Variants in ARL15 observed in about 807,000 individuals in gnomAD.
The protein encoded by ARL15 is ARF like GTPase 15.
Under a neutral mutation model 25.2 loss-of-function variants are expected in ARL15, and 19 were observed. The observed-to-expected ratio is 0.75, with a 90% CI of 0.53 to 1.10. The LOEUF (loss-of-function observed/expected upper bound fraction) is 1.10. ARL15 is among the 50% of genes least tolerant of loss of function. ARL15 has a pLI of 0.00. For synonymous variants in ARL15, 94 were observed against 86.8 expected (o/e 1.08, Z -0.46); for missense variants, 220 against 246.0 (o/e 0.89, Z 0.71).
intron 4 of ARL15, among the ~76,000 whole-genome samples, chr5:53,931,291 A>G (rs1396119527): frequency 5.3e-5 from 8 of 152,220 alleles, no homozygotes; most frequent in Non-Finnish European, 2.9e-5. Flanking sequence ...ATTCACACCA[A>G]TTATTGTCTA....
At chr5:54,154,947 C>G (rs1754183207) in intron 2 of ARL15, among the ~76,000 whole-genome samples, 1 of 152,044 alleles carries the variant, frequency 6.6e-6, no homozygotes, top group South Asian at 2.1e-4. Flanking sequence ...ATGGTGAAAC[C>G]CCGTTTCTAC....
At chr5:54,089,224 C>T (rs1182414515) in intron 4 of ARL15, among the ~76,000 whole-genome samples, 1 of 152,162 alleles carries the variant, frequency 6.6e-6, no homozygotes, top group Non-Finnish European at 1.5e-5. Context: ...AAAATAATTA[C>T]AATCTACCCT....
chr5:54,156,394 G>A (rs1484007301), intron 2 of ARL15, among the ~76,000 whole-genome samples: 2 of 152,174 alleles, frequency 1.3e-5, no homozygotes. Flanking sequence ...ATAAGGATAA[G>A]ATAATGTATG....
chr5:54,155,680 T>TCACACACACACA (rs58416810), intron 2 of ARL15, among the ~76,000 whole-genome samples: 83 of 150,050 alleles, frequency 5.5e-4, no homozygotes, highest in Non-Finnish European at 7.0e-4. Context: ...ATATACCCAT[T>TCACACACACACA]CACACACACA....
intron 1 of ARL15, among the ~76,000 whole-genome samples, chr5:54,295,439 C>G (rs1335028589): frequency 6.6e-6 from 1 of 152,132 alleles, no homozygotes; most frequent in Admixed American, 6.6e-5. Flanking sequence ...GGCTGCACTC[C>G]AGGCTCAAAA....
chr5:54,289,931 A>G (rs1227822720), intron 1 of ARL15, among the ~76,000 whole-genome samples: 1 of 152,182 alleles, frequency 6.6e-6, no homozygotes, highest in Non-Finnish European at 1.5e-5. Flanking sequence ...ATGGGGCCCC[A>G]CACACCAGGA....
chr5:53,933,377 T>C lies in ARL15; in HGVS notation c.463-46664A>G, dbSNP rs533841901. Among the ~76,000 whole-genome samples, 6 of 152,212 alleles carry C rather than the reference T, an allele frequency of 3.9e-5. No individual in the cohort carries two copies. In the South Asian group the frequency reaches 1.2e-3, roughly 32 times the overall value. On this transcript the variant is annotated intron_variant, in intron 4 of 4. Coordinates refer to ENST00000504924, the MANE Select transcript of ARL15 (RefSeq NM_019087.3). ...AGATGGAGAAAAAGGCCGGGCGCGGTGGCTCACGCCTGTAATCCCAGCACT... is the reference window on the plus strand; with the variant it reads ...AGATGGAGAAAAAGGCCGGGCGCGGCGGCTCACGCCTGTAATCCCAGCACT...
In ARL15 at chr5:54,205,592, G is replaced by A. The variant is rs185457738; in HGVS notation, c.49-33664C>T. 2.8e-3 allele frequency among the ~76,000 whole-genome samples: 419 copies of A among 152,252 alleles called. 3 individuals are homozygous for A. Among genetic ancestry groups the A allele is most frequent in the African/African-American group, 9.6e-3 (397 of 41,548 alleles). On this transcript the variant is annotated intron_variant, in intron 1 of 4. Transcript: ENST00000504924. The stretch of plus-strand genomic sequence containing the variant: ...TAACCTTACAGAAGCTGAGGGCTTT[G>A]TTAGTTAAACTATTATGCTAGAATC...
At chr5:54,054,250 A>T (rs192075964) in intron 4 of ARL15, among the ~76,000 whole-genome samples, 3 of 152,334 alleles carry the variant, frequency 2.0e-5, no homozygotes, top group Non-Finnish European at 2.9e-5. Flanking sequence ...TTACACATGT[A>T]TGCATATATA....
intron 1 of ARL15, among the ~76,000 whole-genome samples, chr5:54,188,334 G>A (rs27677): frequency 2.6e-5 from 4 of 151,920 alleles, no homozygotes. Flanking sequence ...TATAGAAAAG[G>A]ACATTAGGCC....
intron 1 of ARL15, among the ~76,000 whole-genome samples, chr5:54,190,721 T>C (rs1383525478): frequency 6.6e-6 from 1 of 152,120 alleles, no homozygotes; most frequent in Non-Finnish European, 1.5e-5. Flanking sequence ...TACCATCACA[T>C]TGGGTCTTAG....
At chr5:54,015,928 CTT>C (rs1482165240) in intron 4 of ARL15, among the ~76,000 whole-genome samples, 2 of 152,166 alleles carry the variant, frequency 1.3e-5, no homozygotes, top group Non-Finnish European at 2.9e-5. Context: ...ACCAGAGAGA[CTT>C]TATCTGCATA....
At position 53,941,988 on chromosome 5, in the gene ARL15, A is replaced by T. The variant is rs79367985; in HGVS notation, c.463-55275T>A. Among the ~76,000 whole-genome samples, 473 of 152,288 alleles carry T rather than the reference A, an allele frequency of 3.1e-3. 3 individuals carry two copies. The highest frequency in any genetic ancestry group is 0.011 in the African/African-American group (455 of 41,560). On this transcript the variant is annotated intron_variant, in intron 4 of 4. Transcript: ENST00000504924. ...GGCACAGTCTGATTTATCTATTTAA[A>T]AAATCCATGTAAAGAGTATGGGGCG... is the stretch of plus-strand genomic sequence containing the variant.
intron 4 of ARL15, among the ~76,000 whole-genome samples, chr5:53,976,398 G>A (rs1747924135): frequency 6.6e-6 from 1 of 152,180 alleles, no homozygotes; most frequent in Admixed American, 6.5e-5. Flanking sequence ...CAGAGTGGCT[G>A]GAAATAAGTG....
intron 1 of ARL15, among the ~76,000 whole-genome samples, chr5:54,223,341 T>A (rs1756432235): frequency 6.6e-6 from 1 of 152,174 alleles, no homozygotes; most frequent in Non-Finnish European, 1.5e-5. Flanking sequence ...TGCAGAGATT[T>A]AAAGAACTAA....
intron 4 of ARL15, among the ~76,000 whole-genome samples, chr5:53,951,350 G>A (rs757458136): frequency 3.0e-4 from 46 of 152,186 alleles, no homozygotes; most frequent in Non-Finnish European, 5.6e-4. Flanking sequence ...ACCCATCATA[G>A]ATCTGAGCTA....
At chr5:54,208,185 G>A (rs1755925760) in intron 1 of ARL15, among the ~76,000 whole-genome samples, 1 of 151,888 alleles carries the variant, frequency 6.6e-6, no homozygotes, top group African/African-American at 2.4e-5. Context: ...AATACCCACG[G>A]GAGAAACACA....
At position 53,925,762 on chromosome 5, in the gene ARL15, C is replaced by T. The variant is rs116339035; in HGVS notation, c.463-39049G>A. Among the ~76,000 whole-genome samples the T allele has an allele frequency of 2.4e-3, 361 of 152,166 alleles. 1 individual carries two copies. The highest frequency in any genetic ancestry group is 8.4e-3 in the African/African-American group (348 of 41,516). On this transcript the variant is annotated intron_variant, in intron 4 of 4. Transcript: ENST00000504924. ...ATTCGAGGTTGCAGTGAGCACCGAT[C>T]ACACCACTGCACTCCAGTCTGGGTG...
intron 4 of ARL15, chr5:53,887,516 G>C: frequency 1.7e-6 from 1 of 595,454 alleles, no homozygotes; most frequent in Non-Finnish European, 3.0e-6. Context: ...CCAATTCCTG[G>C]CTGTGAATAA....
Sources: gnomAD v4.1 joint callset for allele counts (sites outside exome capture counted in the v4.1 genomes callset) on GRCh38, gnomAD v4.1.1 for gene constraint, MANE v1.5 for transcripts, NCBI Gene and HGNC (gene_info 2026-07-23, HGNC 2026-07-21) for gene names.